The following INTU variants were observed in gnomAD, a reference collection of about 807,000 sequenced individuals.
INTU encodes the protein protein inturned.
INTU carries 68 observed loss-of-function variants against 100.5 expected under a neutral mutation model. The observed-to-expected ratio is 0.68, with a 90% confidence interval of 0.56 to 0.83. INTU has a LOEUF of 0.83. Among genes scored for constraint, INTU ranks in the 40% least tolerant of loss-of-function variants. The pLI is 0.00. For missense variants in INTU, 1,071 were observed against 1,114.7 expected, an observed-to-expected ratio of 0.96 and a Z score of 0.56; for synonymous variants, 357 against 395.7, an observed-to-expected ratio of 0.90 and a Z score of 1.16.
intron 2 of INTU, among the ~76,000 whole-genome samples, chr4:127,650,046 G>C (rs1351319311): frequency 6.6e-6 from 1 of 152,058 alleles, no homozygotes; most frequent in Admixed American, 6.6e-5. Flanking sequence ...ACACGGAAAA[G>C]GAAATTTTTA....
At chr4:127,634,526 GA>G (rs1726982986) in intron 1 of INTU, among the ~76,000 whole-genome samples, 1 of 152,166 alleles carries the variant, frequency 6.6e-6, no homozygotes, top group Admixed American at 6.5e-5. Context: ...CCTAGGAAAT[GA>G]CCAATCTGAG....
At position 127,698,991 on chromosome 4, in the gene INTU, G is replaced by A. The variant is rs563744401; in HGVS notation, c.1450-1019G>A. Among the ~76,000 whole-genome samples, 97 of 152,226 alleles carry A rather than the reference G, an allele frequency of 6.4e-4. 1 individual carries two copies. The highest frequency in any genetic ancestry group is 2.2e-3 in the African/African-American group (92 of 41,546). On this transcript the variant is annotated intron_variant, in intron 8 of 15. Transcript: ENST00000335251. Reference sequence around the variant, plus strand: ...CTGTGTGAAAAGCATTGAAAGGCATGACTAATATTTCAAAAGCTTTTGTCA... The same window carrying A: ...CTGTGTGAAAAGCATTGAAAGGCATAACTAATATTTCAAAAGCTTTTGTCA...
chr4:127,643,759 A>G lies in INTU; in HGVS notation c.385A>G (p.Asn129Asp). The G allele has an allele frequency of 6.2e-7, 1 of 1,613,346 alleles. No homozygotes were observed. Among genetic ancestry groups the G allele is most frequent in the South Asian group, 1.1e-5 (1 of 90,946 alleles). ...RRKRLLPKRC[N>D]KKNSNDNGPV... Reference sequence around the variant, plus strand: ...GAAAAGACTTTTACCCAAGCGCTGCAATAAAAAAAATAGCAATGACAATGG... The same window carrying G: ...GAAAAGACTTTTACCCAAGCGCTGCGATAAAAAAAATAGCAATGACAATGG... Residue 129 changes from asparagine (N) to aspartate (D), a missense_variant, in exon 2 of 16, where the codon AAT becomes GAT. Transcript: ENST00000335251.
chr4:127,643,093 T>A (rs556057433), intron 1 of INTU, among the ~76,000 whole-genome samples: 2 of 152,362 alleles, frequency 1.3e-5, no homozygotes, highest in South Asian at 4.1e-4. Flanking sequence ...GATTTTCATG[T>A]ACAATTTCCA....
intron 6 of INTU, chr4:127,683,928 C>G (rs1201867013): frequency 1.3e-5 from 2 of 152,368 alleles, no homozygotes; most frequent in African/African-American, 4.8e-5. Context: ...TTTCCTTTCT[C>G]CTACTTTCTT....
chr4:127,687,812 T>C lies in INTU; in HGVS notation c.1394T>C (p.Val465Ala), dbSNP rs1560864222. ...SAQQYDASSA[V>A]LLDNLPGVRW... ...CAGCAGTACGATGCTTCCAGTGCAG[T>C]ACTTTTAGACAACCTCCCTGGAGTC... The change falls in exon 8 of 16, where the codon GTA becomes GCA. Residue 465 changes from valine (V) to alanine (A), a missense_variant. Transcript: ENST00000335251. The C allele has an allele frequency of 1.2e-6, 2 of 1,609,434 alleles. No individual in the cohort carries two copies. The highest frequency in any genetic ancestry group is 1.7e-6 in the Non-Finnish European group (2 of 1,177,050).
At chr4:127,709,276 G>A (rs2148734972) in intron 13 of INTU, among the ~76,000 whole-genome samples, 1 of 152,270 alleles carries the variant, frequency 6.6e-6, no homozygotes, top group Admixed American at 6.5e-5. Flanking sequence ...GCTGAGACTT[G>A]TTGCCGCTGC....
intron 8 of INTU, among the ~76,000 whole-genome samples, chr4:127,698,011 T>C (rs1342743529): frequency 6.6e-6 from 1 of 152,104 alleles, no homozygotes; most frequent in Admixed American, 6.5e-5. Flanking sequence ...TCCCAGCTAT[T>C]TGGGAAGCTG....
In INTU at chr4:127,668,902, G is replaced by A. The variant is rs879251584; in HGVS notation, c.973-134G>A. On this transcript the variant is annotated intron_variant, in intron 4 of 15. Coordinates refer to ENST00000335251, the MANE Select transcript of INTU (RefSeq NM_015693.4). ...AAATTCCAAGCATAGTTCTCCCCTT[G>A]TGTTTGAACAAAACTCCCACTGAAG... 43 of 534,200 alleles carry A rather than the reference G, an allele frequency of 8.0e-5. 1 individual carries two copies. In the South Asian group the frequency reaches 1.3e-3, roughly 16 times the overall value. 33.1% of individuals were successfully genotyped at this position (534,200 alleles called of 1,614,324 possible). A position where few individuals can be genotyped will look rare whatever the true frequency, so the allele number is the denominator to read the frequency against.
intron 1 of INTU, 143 bp downstream of exon 1, chr4:127,633,323 G>T (rs777318287): frequency 4.0e-5 from 32 of 796,992 alleles, no homozygotes; most frequent in African/African-American, 5.2e-5. Flanking sequence ...ATTGCACCAC[G>T]TTCCATTGTA....
chr4:127,652,938 G>T (rs1388859643), intron 2 of INTU, among the ~76,000 whole-genome samples: 2 of 145,916 alleles, frequency 1.4e-5, no homozygotes, highest in Non-Finnish European at 3.0e-5. Context: ...CTTCTTCCTG[G>T]TTTAGTCTTG....
chr4:127,675,214 T>C (rs539823776), intron 6 of INTU, among the ~76,000 whole-genome samples: 3 of 152,326 alleles, frequency 2.0e-5, no homozygotes, highest in South Asian at 2.1e-4. Context: ...TGTAGAATCA[T>C]AGCGTATGGT....
chr4:127,686,231 A>C (rs574026177), intron 7 of INTU: 2 of 152,202 alleles, frequency 1.3e-5, no homozygotes, highest in Non-Finnish European at 2.9e-5. Flanking sequence ...AATTAAAGCT[A>C]TAACAATTTC....
intron 6 of INTU, among the ~76,000 whole-genome samples, chr4:127,675,613 G>A (rs1171182336): frequency 6.6e-6 from 1 of 152,162 alleles, no homozygotes; most frequent in Non-Finnish European, 1.5e-5. Flanking sequence ...TGAGGTTACA[G>A]TCCAGTGTTG....
chr4:127,711,169 C>G (rs1731080986), intron 14 of INTU, 67 bp downstream of exon 14: 6 of 1,180,500 alleles, frequency 5.1e-6, no homozygotes, highest in Non-Finnish European at 7.0e-6. Flanking sequence ...ATTCTGTTAT[C>G]TAATCAATAT....
chr4:127,660,536 T>A (rs1728431134), intron 3 of INTU, among the ~76,000 whole-genome samples: 1 of 152,210 alleles, frequency 6.6e-6, no homozygotes, highest in South Asian at 2.1e-4. Context: ...AGGTCCCATC[T>A]GTGAAGAGGA....
chr4:127,706,583 A>G lies in INTU; in HGVS notation c.1885A>G (p.Lys629Glu). The G allele has an allele frequency of 6.2e-7, 1 of 1,614,084 alleles. No homozygotes were observed. Residue 629 changes from lysine to glutamate, a missense_variant, in exon 12 of 16, where the codon AAA (lysine) becomes GAA (glutamate). Physicochemically the swap from Lys to Glu is moderately conservative, Grantham distance 56. Coordinates refer to ENST00000335251, the MANE Select transcript of INTU (RefSeq NM_015693.4). ...GPDCVYVDQV[K>E]TTLHQLDGVD... is the part of the protein sequence containing the mutation. The stretch of plus-strand genomic sequence containing the variant: ...AGACTGTGTATATGTGGATCAAGTC[A>G]AAACAACTCTTCACCAGCTGGATGG...
chr4:127,703,231 C>T (rs1357779633), intron 9 of INTU, among the ~76,000 whole-genome samples: 1 of 152,056 alleles, frequency 6.6e-6, no homozygotes, highest in Non-Finnish European at 1.5e-5. Flanking sequence ...TTTATCCATT[C>T]CCCAATTGAG....
chr4:127,717,034 G>A lies in INTU; in HGVS notation c.*598G>A, dbSNP rs918053972. ...GTTCTGGGGTACATGTGCAGGATGT[G>A]CAGGTTCGTTACATAGGTAAACATG... On this transcript the variant is annotated 3_prime_UTR_variant, in exon 16 of 16. Transcript: ENST00000335251. 2.0e-5 allele frequency: 3 copies of A among 152,130 alleles called. No homozygotes were observed. The highest frequency in any genetic ancestry group is 7.2e-5 in the African/African-American group (3 of 41,410). The allele number at this position is 152,130 out of a possible 1,614,324, so 9.4% of individuals were successfully genotyped here. A position where few individuals can be genotyped will look rare whatever the true frequency, so the allele number is the denominator to read the frequency against.
Sources: allele counts gnomAD v4.1 joint callset (sites outside exome capture counted in the v4.1 genomes callset), GRCh38; gene constraint gnomAD v4.1.1; transcripts MANE v1.5; gene names NCBI Gene and HGNC (gene_info 2026-07-23, HGNC 2026-07-21).